GALNTL6: variants seen among roughly 807,000 people sequenced by gnomAD.
GALNTL6 encodes polypeptide N-acetylgalactosaminyltransferase-like 6.
Under a neutral mutation model 73.7 loss-of-function variants are expected in GALNTL6, and 46 were observed. That is an observed-to-expected ratio of 0.62 (90% confidence interval 0.49 to 0.80). The LOEUF (loss-of-function observed/expected upper bound fraction) is 0.80, where lower values mean the gene tolerates loss of function less well. GALNTL6 is among the 30% of genes least tolerant of loss of function. The probability of loss-of-function intolerance (pLI) is 0.00; values close to 1 mark genes in which losing one functional copy is unlikely to be tolerated. For synonymous variants in GALNTL6, 259 were observed against 263.7 expected (o/e 0.98, Z 0.17); for missense variants, 604 against 755.0 (o/e 0.80, Z 2.34).
At chr4:172,672,058 T>G (rs1732016900) in intron 5 of GALNTL6, among the ~76,000 whole-genome samples, 1 of 152,088 alleles carries the variant, frequency 6.6e-6, no homozygotes, top group South Asian at 2.1e-4. Context: ...GCCTGGCTGA[T>G]TTTTGTCTTT....
Position 172,546,800 on chromosome 4 carries a change from ATATATACGTATATATATACG to A in GALNTL6, c.553+198117_553+198136del, listed in dbSNP as rs1011134392. 1.9e-4 allele frequency among the ~76,000 whole-genome samples: 15 copies of A among 79,554 alleles called. 1 individual carries two copies. The highest frequency in any genetic ancestry group is 4.5e-4 in the African/African-American group (11 of 24,492). The allele number at this position is 79,554 out of a possible 152,430, so 52.2% of individuals were successfully genotyped here. On this transcript the variant is annotated intron_variant, in intron 5 of 12. Transcript: ENST00000506823. ...AACTCCGCTTTATATATATATACGT[ATATATACGTATATATATACG>A]TATATGTATAATTGTAAAATATACA...
chr4:172,304,420 T>C (rs1740050350), intron 3 of GALNTL6, among the ~76,000 whole-genome samples: 1 of 7,758 alleles, frequency 1.3e-4, no homozygotes, highest in Non-Finnish European at 3.6e-4. Flanking sequence ...GTAAGTAGTA[T>C]ATGGGAAAAA....
intron 2 of GALNTL6, among the ~76,000 whole-genome samples, chr4:171,922,766 T>C (rs1176051983): frequency 2.0e-5 from 3 of 152,138 alleles, no homozygotes; most frequent in African/African-American, 7.2e-5. Flanking sequence ...AGTATTTATT[T>C]TCCTGATTTG....
chr4:172,617,747 C>T (rs1208647872), intron 5 of GALNTL6, among the ~76,000 whole-genome samples: 1 of 152,098 alleles, frequency 6.6e-6, no homozygotes, highest in African/African-American at 2.4e-5. Flanking sequence ...TCCCTAAGTA[C>T]TGGGATTACA....
rs750348404 is a variant in GALNTL6 at position 173,022,030 on chromosome 4, A to AGAAGGAAG, written c.1638+457_1638+464dup. Among the ~76,000 whole-genome samples, 479 of 69,222 alleles carry AGAAGGAAG rather than the reference A, an allele frequency of 6.9e-3. 6 individuals are homozygous for AGAAGGAAG. The highest frequency in any genetic ancestry group is 8.9e-3 in the African/African-American group (133 of 14,928). The allele number at this position is 69,222 out of a possible 152,430, so 45.4% of individuals were successfully genotyped here. A position where few individuals can be genotyped will look rare whatever the true frequency, so the allele number is the denominator to read the frequency against. ...GAGAGAGAGAAAAGGAAGGAAGGAA[A>AGAAGGAAG]GAAGGAAGGAAGGAAGGAAGGAAGG... On this transcript the variant is annotated intron_variant, in intron 12 of 12. Coordinates refer to ENST00000506823, the MANE Select transcript of GALNTL6 (RefSeq NM_001034845.3).
chr4:172,305,886 ACT>A (rs1740115141), intron 3 of GALNTL6, among the ~76,000 whole-genome samples: 1 of 152,024 alleles, frequency 6.6e-6, no homozygotes, highest in South Asian at 2.1e-4. Flanking sequence ...GAGATTCATC[ACT>A]CTGAACACCA....
chr4:172,003,182 A>G (rs1485227851), intron 2 of GALNTL6, among the ~76,000 whole-genome samples: 2 of 152,090 alleles, frequency 1.3e-5, no homozygotes, highest in African/African-American at 4.8e-5. Flanking sequence ...TAAAAAATAC[A>G]GACAATTTTG....
intron 5 of GALNTL6, among the ~76,000 whole-genome samples, chr4:172,687,401 G>A (rs184321334): frequency 1.1e-3 from 173 of 152,016 alleles, no homozygotes; most frequent in African/African-American, 3.4e-3. Context: ...AGGCTGAGGC[G>A]GGCGGATCAC....
intron 5 of GALNTL6, among the ~76,000 whole-genome samples, chr4:172,771,885 T>C (rs191357127): frequency 6.6e-5 from 10 of 152,284 alleles, no homozygotes; most frequent in Admixed American, 5.9e-4. Flanking sequence ...ACTTTTTATT[T>C]AAGTAGATCG....
intron 5 of GALNTL6, among the ~76,000 whole-genome samples, chr4:172,555,893 A>G (rs777044618): frequency 2.6e-5 from 4 of 152,134 alleles, no homozygotes; most frequent in Non-Finnish European, 5.9e-5. Context: ...CATATTTTGC[A>G]TTATGAGCAA....
At chr4:172,176,644 A>G (rs925576785) in intron 2 of GALNTL6, among the ~76,000 whole-genome samples, 1 of 151,914 alleles carries the variant, frequency 6.6e-6, no homozygotes, top group African/African-American at 2.4e-5. Context: ...TAAAAATTAG[A>G]TGGGCATGGT....
At chr4:172,921,511 C>T (rs1199819231) in intron 8 of GALNTL6, among the ~76,000 whole-genome samples, 1 of 151,996 alleles carries the variant, frequency 6.6e-6, no homozygotes, top group Non-Finnish European at 1.5e-5. Context: ...GAAAAAAATG[C>T]CAGGCCAGGC....
chr4:172,967,685 G>T (rs1448844435), intron 10 of GALNTL6, among the ~76,000 whole-genome samples: 1 of 152,138 alleles, frequency 6.6e-6, no homozygotes, highest in South Asian at 2.1e-4. Flanking sequence ...TCATTATAAT[G>T]TAGTGCTATA....
intron 2 of GALNTL6, among the ~76,000 whole-genome samples, chr4:171,850,469 G>A (rs1001527691): frequency 6.6e-6 from 1 of 152,148 alleles, no homozygotes; most frequent in Admixed American, 6.5e-5. Context: ...AGCATCTGGT[G>A]GGACTGTAAA....
intron 5 of GALNTL6, among the ~76,000 whole-genome samples, chr4:172,383,489 A>T (rs569632358): frequency 6.6e-6 from 1 of 152,188 alleles, no homozygotes; most frequent in South Asian, 2.1e-4. Flanking sequence ...ATTAGTTCTA[A>T]TTTTTGTGTG....
At chr4:172,718,639 A>G (rs1735257402) in intron 5 of GALNTL6, among the ~76,000 whole-genome samples, 1 of 152,050 alleles carries the variant, frequency 6.6e-6, no homozygotes, top group South Asian at 2.1e-4. Context: ...CCCCATCTCA[A>G]AAAAACAAAA....
intron 5 of GALNTL6, among the ~76,000 whole-genome samples, chr4:172,638,580 G>A (rs936990550): frequency 6.6e-6 from 1 of 152,050 alleles, no homozygotes; most frequent in African/African-American, 2.4e-5. Context: ...CTCATAAAAA[G>A]TTGCAGAAAT....
At chr4:172,291,796 T>C (rs1280985775) in intron 3 of GALNTL6, among the ~76,000 whole-genome samples, 1 of 149,482 alleles carries the variant, frequency 6.7e-6, no homozygotes, top group Non-Finnish European at 1.5e-5. Context: ...AAAGCTGTAA[T>C]ATACAAGAGG....
At chr4:171,955,270 A>C (rs1352280547) in intron 2 of GALNTL6, among the ~76,000 whole-genome samples, 1 of 152,118 alleles carries the variant, frequency 6.6e-6, no homozygotes, top group African/African-American at 2.4e-5. Flanking sequence ...GAAGTACAAT[A>C]CTGAAATTCT....
Sources: gnomAD v4.1 joint callset for allele counts (sites outside exome capture counted in the v4.1 genomes callset) on GRCh38, gnomAD v4.1.1 for gene constraint, MANE v1.5 for transcripts, NCBI Gene and HGNC (gene_info 2026-07-23, HGNC 2026-07-21) for gene names.